Variants in OVCH2 observed in about 807,000 individuals in gnomAD.
The protein encoded by OVCH2 is ovochymase-2.
Under a neutral mutation model 73.7 loss-of-function variants are expected in OVCH2, and 88 were observed. The observed-to-expected ratio is 1.19, with a 90% confidence interval of 1.01 to 1.43. OVCH2 has a LOEUF of 1.43. Ranked by LOEUF, OVCH2 falls within the 40% of genes most tolerant of loss-of-function variation. The pLI, the probability that OVCH2 is intolerant of heterozygous loss-of-function variation, is 0.00. For missense variants in OVCH2, 706 were observed against 674.5 expected, an observed-to-expected ratio of 1.05 and a Z score of -0.52; for synonymous variants, 265 against 234.5, an observed-to-expected ratio of 1.13 and a Z score of -1.19.
chr11:7,694,183 A>G (rs748444160), intron 12 of OVCH2, among the ~76,000 whole-genome samples: 7 of 152,176 alleles, frequency 4.6e-5, no homozygotes, highest in Non-Finnish European at 1.0e-4. Flanking sequence ...AGAAAGATCT[A>G]TGAGAAAATG....
At chr11:7,694,602 C>A (rs1398869246) in intron 12 of OVCH2, among the ~76,000 whole-genome samples, 2 of 53,060 alleles carry the variant, frequency 3.8e-5, no homozygotes, top group Non-Finnish European at 8.3e-5. Flanking sequence ...GTCACCAACA[C>A]AAAGTTTTTG....
chr11:7,684,366 C>A, the OVCH2 span, among the ~76,000 whole-genome samples: 3 of 152,130 alleles, frequency 2.0e-5, no homozygotes, highest in African/African-American at 7.2e-5. Context: ...TCCCTGTGAG[C>A]ATCTTGACAC....
At chr11:7,691,870 C>T (rs1304442640) in intron 13 of OVCH2, 32 bp downstream of exon 13, 1 of 1,519,534 alleles carries the variant, frequency 6.6e-7, no homozygotes. Flanking sequence ...CAAACACAAA[C>T]CAGAGCGAGC....
intron 1 of OVCH2, 72 bp from the exon 2 acceptor site, chr11:7,704,746 C>G (rs1195332022): frequency 1.0e-6 from 1 of 1,003,122 alleles, no homozygotes; most frequent in Non-Finnish European, 1.5e-6. Context: ...CTCCATTTCA[C>G]CCATGAAACT....
intron 15 of OVCH2, 66 bp downstream of exon 15, chr11:7,689,858 C>T: frequency 1.0e-6 from 1 of 987,516 alleles, no homozygotes; most frequent in Non-Finnish European, 1.5e-6. Flanking sequence ...ATCCATATCA[C>T]CTGCTTCTCC....
In OVCH2 at chr11:7,704,687, C is replaced by G; in HGVS notation, c.89-13G>C. On this transcript the variant is annotated splice_polypyrimidine_tract_variant and intron_variant, in intron 1 of 15. Transcript: ENST00000533663. The stretch of plus-strand genomic sequence containing the variant: ...CCACAACTGGGAGCTGAGAAAAAAA[C>G]GAGACAAACTAAATGATTAGATAGC... The G allele has an allele frequency of 6.5e-7, 1 of 1,549,726 alleles. No homozygotes were observed. Among genetic ancestry groups the G allele is most frequent in the Non-Finnish European group, 8.9e-7 (1 of 1,126,496 alleles).
At chr11:7,704,755 C>A in intron 1 of OVCH2, 81 bp from the exon 2 acceptor site, 1 of 887,152 alleles carries the variant, frequency 1.1e-6, no homozygotes, top group Non-Finnish European at 1.8e-6. Context: ...ACCCATGAAA[C>A]TGAGTCTGAG....
At position 7,706,336 on chromosome 11, in the gene OVCH2, C is replaced by A. The variant is rs1273597974; in HGVS notation, c.59G>T (p.Gly20Val). The A allele has an allele frequency of 1.0e-5, 16 of 1,591,690 alleles. No homozygotes were observed. Among genetic ancestry groups the A allele is most frequent in the African/African-American group, 1.3e-5 (1 of 74,610 alleles). The change falls in exon 1 of 16, where the codon GGT becomes GTT. Residue 20 changes from glycine to valine, a missense_variant. Gly to Val is a moderately radical substitution (Grantham distance 109, BLOSUM62 -3). Transcript: ENST00000533663. ...GGGGAGCGAAAGAGTTGCAGATTTACCTCGTTCAAAAAAGACTATTCCTAG... is the reference window on the plus strand; with the variant it reads ...GGGGAGCGAAAGAGTTGCAGATTTAACTCGTTCAAAAAAGACTATTCCTAG... ...LLLGIVFFER[G>V]KSATLSLPKA...
rs577670707 is a variant in OVCH2 at position 7,700,442 on chromosome 11, G to A, written c.755C>T (p.Ala252Val). 6.2e-7 allele frequency: 1 copy of A among 1,611,284 alleles called. No homozygotes were observed. The highest frequency in any genetic ancestry group is 8.5e-7 in the Non-Finnish European group (1 of 1,178,722). The change falls in exon 7 of 16, where the codon GCC becomes GTC. Residue 252 changes from alanine (A) to valine (V), a missense_variant. Physicochemically the swap from Ala to Val is moderately conservative, Grantham distance 64. Transcript: ENST00000533663. ...GGAAGTCACACCAGCCAGAGTCCAG[G>A]CCCCTTTCTTATTCCGGCACATGAG... ...GSLMCRNKKG[A>V]WTLAGVTSWG... is the part of the protein sequence containing the mutation.
At chr11:7,688,472 T>C (rs988487256), downstream of OVCH2, among the ~76,000 whole-genome samples, 1 of 152,160 alleles carries the variant, frequency 6.6e-6, no homozygotes, top group Non-Finnish European at 1.5e-5. Context: ...AGCCACACTT[T>C]ACAAAAATTT....
intron 3 of OVCH2, among the ~76,000 whole-genome samples, chr11:7,702,910 A>G (rs975686931): frequency 7.2e-5 from 11 of 152,192 alleles, no homozygotes; most frequent in Admixed American, 5.9e-4. Context: ...TGAAAAAGGC[A>G]TGTTTTCTCT....
In OVCH2 at chr11:7,695,195, C is replaced by T. The variant is rs200201118; in HGVS notation, c.1283-7G>A. 8.8e-5 allele frequency: 136 copies of T among 1,552,180 alleles called. No individual in the cohort carries two copies. Among genetic ancestry groups the T allele is most frequent in the Non-Finnish European group, 8.4e-5 (97 of 1,150,634 alleles). On this transcript the variant is annotated splice_region_variant and splice_polypyrimidine_tract_variant and intron_variant, in intron 11 of 15. Coordinates refer to ENST00000533663, the MANE Select transcript of OVCH2 (RefSeq NM_198185.7). ...AAGTAACTGCAACCTGAATCTGAAA[C>T]GTAAGAAAAAGTCCAAACAGATGGC...
At chr11:7,692,612 T>C (rs1319765305) in intron 12 of OVCH2, among the ~76,000 whole-genome samples, 1 of 152,228 alleles carries the variant, frequency 6.6e-6, no homozygotes, top group African/African-American at 2.4e-5. Context: ...TGAAAGCATT[T>C]GCATAAGTGG....
At chr11:7,694,847 A>G (rs1856296022) in intron 12 of OVCH2, among the ~76,000 whole-genome samples, 1 of 136,838 alleles carries the variant, frequency 7.3e-6, no homozygotes, top group Non-Finnish European at 1.5e-5. Flanking sequence ...GCACAGTGCC[A>G]TCTAGTGGAA....
Position 7,706,321 on chromosome 11 carries a change from A to C in OVCH2, c.74T>G (p.Leu25Arg). The C allele has an allele frequency of 1.3e-6, 2 of 1,589,026 alleles. No individual in the cohort carries two copies. Among genetic ancestry groups the C allele is most frequent in the Non-Finnish European group, 1.7e-6 (2 of 1,166,372 alleles). ...VFFERGKSATLSLPKAPSCGQ... is the reference protein window; with the variant it reads ...VFFERGKSATRSLPKAPSCGQ... ...TTGAAACTTACCTTTGGGGAGCGAA[A>C]GAGTTGCAGATTTACCTCGTTCAAA... Residue 25 changes from leucine (L) to arginine (R), a missense_variant, in exon 1 of 16, where the codon CTT becomes CGT. By Grantham distance (102) the Leu-to-Arg change is moderately radical. Transcript: ENST00000533663.
chr11:7,684,975 C>T (rs968841949), downstream of OVCH2, among the ~76,000 whole-genome samples: 2 of 152,176 alleles, frequency 1.3e-5, no homozygotes, highest in East Asian at 3.8e-4. Flanking sequence ...GAGTGAGGTC[C>T]TTAAGTCAAA....
downstream of OVCH2, among the ~76,000 whole-genome samples, chr11:7,685,657 C>T (rs1382111288): frequency 6.6e-6 from 1 of 152,138 alleles, no homozygotes; most frequent in Non-Finnish European, 1.5e-5. Flanking sequence ...TGTCCAGCCA[C>T]AGCTCCTGCC....
At position 7,706,235 on chromosome 11, in the gene OVCH2, T is replaced by G; in HGVS notation, c.88+72A>C. The G allele has an allele frequency of 1.2e-5, 16 of 1,385,280 alleles. No homozygotes were observed. In the South Asian group the frequency reaches 2.2e-4, roughly 19 times the overall value. 85.8% of individuals were successfully genotyped at this position (1,385,280 alleles called of 1,614,324 possible). ...CCTATTTTCCCAAAGGAACATGGAG[T>G]CTCGGAGTTGTGACGTCCATTGCCA... On this transcript the variant is annotated intron_variant, in intron 1 of 15. Transcript: ENST00000533663.
chr11:7,688,219 T>C (rs11041534), downstream of OVCH2, among the ~76,000 whole-genome samples: 22,811 of 152,044 alleles, frequency 0.15, 2,101 homozygotes, highest in East Asian at 0.44. Flanking sequence ...GTTGCAACTC[T>C]CACCTTTATC....
Sources: allele counts gnomAD v4.1 joint callset (sites outside exome capture counted in the v4.1 genomes callset), GRCh38; gene constraint gnomAD v4.1.1; transcripts MANE v1.5; gene names NCBI Gene and HGNC (gene_info 2026-07-23, HGNC 2026-07-21).